The following MAGI2 variants were observed in gnomAD, a reference collection of about 807,000 sequenced individuals.
MAGI2 encodes the protein membrane-associated guanylate kinase, WW and PDZ domain-containing protein 2.
MAGI2 carries 35 observed loss-of-function variants against 133.3 expected under a neutral mutation model. That is an observed-to-expected ratio of 0.26 (90% CI 0.20 to 0.35). The LOEUF (loss-of-function observed/expected upper bound fraction) is 0.35, where lower values mean the gene tolerates loss of function less well. MAGI2 is among the 10% of genes least tolerant of loss of function. The pLI is 1.00. For synonymous variants in MAGI2, 729 were observed against 710.6 expected, an observed-to-expected ratio of 1.03 and a Z score of -0.41; for missense variants, 1,636 against 1,863.4, an observed-to-expected ratio of 0.88 and a Z score of 2.25.
At chr7:78,697,170 G>GT (rs763242779) in intron 2 of MAGI2, among the ~76,000 whole-genome samples, 46 of 151,926 alleles carry the variant, frequency 3.0e-4, no homozygotes, top group Non-Finnish European at 6.0e-4. Flanking sequence ...CTTTTCACAT[G>GT]TTTTTTCTTT....
At position 79,438,120 on chromosome 7, in the gene MAGI2, A is replaced by C. The variant is rs556442983; in HGVS notation, c.301+14900T>G. Among the ~76,000 whole-genome samples, 12 of 152,260 alleles carry C rather than the reference A, an allele frequency of 7.9e-5. No individual in the cohort carries two copies. In the South Asian group the frequency reaches 2.5e-3, roughly 32 times the overall value. ...ACAGCTATTACTGTAAAAACAATAC[A>C]TCTGAACTCTCTACACTGAAGGTCC... On this transcript the variant is annotated intron_variant, in intron 1 of 21. Transcript: ENST00000354212.
chr7:79,272,050 A>G (rs1487185681), intron 1 of MAGI2, among the ~76,000 whole-genome samples: 5 of 152,130 alleles, frequency 3.3e-5, no homozygotes, highest in Admixed American at 1.3e-4. Context: ...TATATACAAA[A>G]ACCATTTTTA....
At chr7:78,334,608 G>T (rs1789561625) in intron 9 of MAGI2, among the ~76,000 whole-genome samples, 1 of 152,172 alleles carries the variant, frequency 6.6e-6, no homozygotes, top group African/African-American at 2.4e-5. Flanking sequence ...TCTGAGCATA[G>T]GCTTGGATGG....
intron 1 of MAGI2, among the ~76,000 whole-genome samples, chr7:79,228,383 G>T (rs1305046959): frequency 1.3e-4 from 6 of 44,996 alleles, no homozygotes; most frequent in Non-Finnish European, 2.7e-4. Flanking sequence ...TCGTGGGATT[G>T]TCTTGTCTTG....
At chr7:79,265,600 G>A (rs1380480165) in intron 1 of MAGI2, among the ~76,000 whole-genome samples, 1 of 152,028 alleles carries the variant, frequency 6.6e-6, no homozygotes, top group Admixed American at 6.6e-5. Context: ...ATGATCATAT[G>A]TACCATAACA....
intron 1 of MAGI2, among the ~76,000 whole-genome samples, chr7:79,260,387 CATACATACATACATACA>C (rs1220071243): frequency 1.1e-3 from 162 of 151,012 alleles, no homozygotes; most frequent in African/African-American, 3.7e-3. Context: ...TACATACATA[CATACATACATACATACA>C]TACATACATA....
chr7:78,900,809 A>T (rs1797566318), intron 2 of MAGI2, among the ~76,000 whole-genome samples: 1 of 152,136 alleles, frequency 6.6e-6, no homozygotes, highest in Admixed American at 6.6e-5. Context: ...TTGCAGCTGT[A>T]TACCCAGCAT....
At chr7:79,148,030 C>A (rs1562940312) in intron 1 of MAGI2, among the ~76,000 whole-genome samples, 1 of 152,146 alleles carries the variant, frequency 6.6e-6, no homozygotes, top group Non-Finnish European at 1.5e-5. Flanking sequence ...TTCTGGAGCA[C>A]ACGGAAGTGT....
chr7:79,245,266 C>T (rs1832736348), intron 1 of MAGI2, among the ~76,000 whole-genome samples: 1 of 152,184 alleles, frequency 6.6e-6, no homozygotes, highest in African/African-American at 2.4e-5. Flanking sequence ...GTAAAGGGGA[C>T]TTCATCTGTC....
chr7:78,964,154 A>AT (rs562636583), intron 2 of MAGI2, among the ~76,000 whole-genome samples: 1 of 150,432 alleles, frequency 6.6e-6, no homozygotes, highest in Non-Finnish European at 1.5e-5. Context: ...TTTTCTTTTA[A>AT]TTTTTTTTCT....
chr7:78,320,031 C>T lies in MAGI2; in HGVS notation c.1408+23747G>A, dbSNP rs112698858. Among the ~76,000 whole-genome samples, 21 of 152,144 alleles carry T rather than the reference C, an allele frequency of 1.4e-4. 1 individual carries two copies. Among genetic ancestry groups the T allele is most frequent in the African/African-American group, 3.6e-4 (15 of 41,524 alleles). ...AATAAACTAGAAAATCTAGAAGAAA[C>T]GGATAAATTCCTGGACACATGCACT... On this transcript the variant is annotated intron_variant, in intron 9 of 21. Coordinates refer to ENST00000354212, the MANE Select transcript of MAGI2 (RefSeq NM_012301.4).
intron 10 of MAGI2, among the ~76,000 whole-genome samples, chr7:78,231,362 C>T (rs900829730): frequency 1.1e-4 from 16 of 152,330 alleles, no homozygotes; most frequent in South Asian, 4.1e-4. Flanking sequence ...TTTGGGATTG[C>T]GTGCCTGTTC....
At chr7:78,552,149 T>C (rs1463895887) in intron 3 of MAGI2, among the ~76,000 whole-genome samples, 2 of 150,780 alleles carry the variant, frequency 1.3e-5, no homozygotes, top group Admixed American at 6.6e-5. Context: ...TAAATAACCA[T>C]AGACTTTTAG....
chr7:78,217,283 C>T (rs1299130707), intron 10 of MAGI2, among the ~76,000 whole-genome samples: 1 of 152,160 alleles, frequency 6.6e-6, no homozygotes, highest in East Asian at 1.9e-4. Flanking sequence ...AATTCAGGTG[C>T]ATGTTTCTGG....
At chr7:78,623,425 A>G (rs989975941) in intron 3 of MAGI2, among the ~76,000 whole-genome samples, 4 of 152,110 alleles carry the variant, frequency 2.6e-5, no homozygotes, top group Non-Finnish European at 5.9e-5. Flanking sequence ...ATCTTTGATA[A>G]AGTTATTTTC....
At chr7:78,844,557 T>A (rs1792428555) in intron 2 of MAGI2, among the ~76,000 whole-genome samples, 2 of 151,900 alleles carry the variant, frequency 1.3e-5, no homozygotes, top group Admixed American at 1.3e-4. Flanking sequence ...TGAAACCATA[T>A]TGCATGATTT....
intron 6 of MAGI2, among the ~76,000 whole-genome samples, chr7:78,392,588 C>A (rs545784178): frequency 6.6e-6 from 1 of 152,250 alleles, no homozygotes; most frequent in South Asian, 2.1e-4. Context: ...AGAGGAACAA[C>A]ATAATTGCTA....
chr7:79,311,707 A>C (rs751355706), intron 1 of MAGI2, among the ~76,000 whole-genome samples: 2 of 152,130 alleles, frequency 1.3e-5, no homozygotes, highest in Non-Finnish European at 2.9e-5. Flanking sequence ...ATATTCCCAC[A>C]GTTATTGAAT....
At chr7:78,030,744 A>T (rs1809484527) in intron 21 of MAGI2, among the ~76,000 whole-genome samples, 1 of 152,236 alleles carries the variant, frequency 6.6e-6, no homozygotes, top group African/African-American at 2.4e-5. Context: ...AACTGGCAAG[A>T]ACGTGGAGCA....
Sources: gnomAD v4.1 joint callset for allele counts (sites outside exome capture counted in the v4.1 genomes callset) on GRCh38, gnomAD v4.1.1 for gene constraint, MANE v1.5 for transcripts, NCBI Gene and HGNC (gene_info 2026-07-23, HGNC 2026-07-21) for gene names.